The following XKR9 variants were observed in gnomAD, a reference collection of about 807,000 sequenced individuals.
XKR9 encodes the protein XK related 9.
XKR9 carries 32 observed loss-of-function variants against 32.0 expected under a neutral mutation model. The ratio of observed to expected loss-of-function variants is 1.00; its 90% confidence interval spans 0.76 to 1.34. The LOEUF (loss-of-function observed/expected upper bound fraction) is 1.34, where lower values mean the gene tolerates loss of function less well. Ranked by LOEUF, XKR9 falls within the 40% of genes most tolerant of loss-of-function variation. The pLI is 0.00. For missense variants in XKR9, 546 were observed against 429.7 expected (o/e 1.27, Z -2.39); for synonymous variants, 168 against 143.4 (o/e 1.17, Z -1.22).
At chr8:70,996,748 C>T in the XKR9 span, among the ~76,000 whole-genome samples, 6 of 152,218 alleles carry the variant, frequency 3.9e-5, no homozygotes, top group African/African-American at 7.2e-5. Flanking sequence ...GGTCACTGTC[C>T]GACCTTCTTC....
chr8:70,799,356 A>G, the XKR9 span, among the ~76,000 whole-genome samples: 1 of 152,068 alleles, frequency 6.6e-6, no homozygotes, highest in East Asian at 1.9e-4. Context: ...TTTGAGACGG[A>G]GTCTCACTCT....
At chr8:71,061,820 T>C in the XKR9 span, among the ~76,000 whole-genome samples, 1 of 152,110 alleles carries the variant, frequency 6.6e-6, no homozygotes, top group Non-Finnish European at 1.5e-5. Flanking sequence ...GGCCAGTAGT[T>C]GGGAAGGTGG....
At chr8:70,829,607 C>A in the XKR9 span, among the ~76,000 whole-genome samples, 1 of 152,142 alleles carries the variant, frequency 6.6e-6, no homozygotes, top group Admixed American at 6.5e-5. Flanking sequence ...CGCTACCACA[C>A]CCGGTTAATT....
At chr8:70,825,434 T>A in the XKR9 span, among the ~76,000 whole-genome samples, 6 of 152,142 alleles carry the variant, frequency 3.9e-5, no homozygotes, top group Admixed American at 2.6e-4. Flanking sequence ...CACATACAGT[T>A]CTCTGACAGA....
At chr8:70,872,505 G>C in the XKR9 span, among the ~76,000 whole-genome samples, 3 of 152,160 alleles carry the variant, frequency 2.0e-5, no homozygotes, top group Admixed American at 1.3e-4. Flanking sequence ...CATTGATGAG[G>C]GGACTACACT....
the XKR9 span, among the ~76,000 whole-genome samples, chr8:70,856,923 A>G: frequency 6.6e-6 from 1 of 152,196 alleles, no homozygotes; most frequent in Non-Finnish European, 1.5e-5. Context: ...CTTTGAAACC[A>G]ACGACAACAA....
At chr8:70,882,086 G>A in the XKR9 span, among the ~76,000 whole-genome samples, 3 of 152,078 alleles carry the variant, frequency 2.0e-5, no homozygotes, top group African/African-American at 7.2e-5. Context: ...ACACAGGGCG[G>A]GGAACATCAC....
the XKR9 span, among the ~76,000 whole-genome samples, chr8:70,974,305 C>A: frequency 6.6e-6 from 1 of 151,478 alleles, no homozygotes; most frequent in East Asian, 1.9e-4. Flanking sequence ...AGGTTTGTTA[C>A]ATATGTATAC....
the XKR9 span, among the ~76,000 whole-genome samples, chr8:70,988,833 C>T: frequency 6.6e-6 from 1 of 152,150 alleles, no homozygotes. Flanking sequence ...CTCATCCCTC[C>T]CTCAGCCCTT....
the XKR9 span, among the ~76,000 whole-genome samples, chr8:70,946,066 C>G: frequency 6.6e-6 from 1 of 151,912 alleles, no homozygotes; most frequent in African/African-American, 2.4e-5. Context: ...ACCTGGGAGG[C>G]GGAGGTTGCA....
At chr8:70,758,719 C>A (rs945441534) in intron 2 of XKR9, among the ~76,000 whole-genome samples, 6 of 152,156 alleles carry the variant, frequency 3.9e-5, no homozygotes, top group Non-Finnish European at 8.8e-5. Flanking sequence ...GTCTTGATGA[C>A]ATAATTTCTT....
chr8:70,706,806 TAGAG>T (rs1236118794), intron 3 of XKR9, 123 bp from the exon 4 acceptor site: 2 of 750,444 alleles, frequency 2.7e-6, no homozygotes, highest in Non-Finnish European at 4.2e-6. Flanking sequence ...AAATCTGTAG[TAGAG>T]AGAGTTTGTG....
intron 2 of XKR9, among the ~76,000 whole-genome samples, chr8:70,679,730 CA>C (rs1358452478): frequency 2.0e-4 from 30 of 152,110 alleles, no homozygotes; most frequent in Non-Finnish European, 7.4e-5. Context: ...CTGAGTCAGA[CA>C]AATCTTGTAT....
chr8:70,685,110 A>G (rs1052239656), intron 3 of XKR9, among the ~76,000 whole-genome samples: 2 of 151,768 alleles, frequency 1.3e-5, no homozygotes, highest in Non-Finnish European at 2.9e-5. Context: ...GTCCAACAAC[A>G]ATAGACTGGA....
At chr8:71,045,681 G>T in the XKR9 span, among the ~76,000 whole-genome samples, 1 of 152,192 alleles carries the variant, frequency 6.6e-6, no homozygotes, top group Non-Finnish European at 1.5e-5. Context: ...CGAGTCATAG[G>T]CCAGGGCCCT....
intron 2 of XKR9, among the ~76,000 whole-genome samples, chr8:70,783,943 C>G (rs1408398867): frequency 2.0e-5 from 3 of 152,132 alleles, no homozygotes; most frequent in Non-Finnish European, 4.4e-5. Flanking sequence ...TTCCCGACAC[C>G]ATTTATTGAA....
At chr8:70,721,449 A>G (rs915250954) in intron 4 of XKR9, among the ~76,000 whole-genome samples, 2 of 152,136 alleles carry the variant, frequency 1.3e-5, no homozygotes, top group East Asian at 1.9e-4. Context: ...AGTGCTATCA[A>G]TTTCCCTCCA....
chr8:71,058,584 C>T, the XKR9 span, among the ~76,000 whole-genome samples: 2 of 152,204 alleles, frequency 1.3e-5, no homozygotes, highest in Non-Finnish European at 2.9e-5. Flanking sequence ...GAACTGAGAT[C>T]CTGTGAGGTC....
At chr8:71,004,828 C>T in the XKR9 span, among the ~76,000 whole-genome samples, 6 of 151,934 alleles carry the variant, frequency 3.9e-5, no homozygotes, top group East Asian at 9.6e-4. Context: ...TTGGGATTAC[C>T]AATACCTTGA....
Sources: gnomAD v4.1 joint callset for allele counts (sites outside exome capture counted in the v4.1 genomes callset) on GRCh38, gnomAD v4.1.1 for gene constraint, MANE v1.5 for transcripts, NCBI Gene and HGNC (gene_info 2026-07-23, HGNC 2026-07-21) for gene names.